Variants in HLA-DQB1 observed in about 807,000 individuals in gnomAD.
The protein encoded by HLA-DQB1 is HLA class II histocompatibility antigen, DQ beta 1 chain.
HLA-DQB1 carries 13 observed loss-of-function variants against 26.4 expected under a neutral mutation model. That is an observed-to-expected ratio of 0.49 (90% CI 0.32 to 0.78). HLA-DQB1 has a LOEUF of 0.78. Among genes scored for constraint, HLA-DQB1 ranks in the 30% least tolerant of loss-of-function variants. The pLI is 0.03. For missense variants in HLA-DQB1, 158 were observed against 326.2 expected (o/e 0.48, Z 3.97); for synonymous variants, 60 against 129.1 (o/e 0.46, Z 3.63).
chr6:32,666,537 A>G (rs749609676), exon 1 of HLA-DQB1: 3 of 1,186,924 alleles, frequency 2.5e-6, no homozygotes, highest in Admixed American at 4.2e-5. Context: ...GGAGCTCAGC[A>G]TCGCCAGCAT....
intron 4 of HLA-DQB1, 60 bp from the exon 5 acceptor site, chr6:32,660,309 C>T: frequency 1.1e-6 from 1 of 898,634 alleles, no homozygotes; most frequent in Non-Finnish European, 1.6e-6. Flanking sequence ...TGCCATCTCC[C>T]CCACCCTTCA....
In HLA-DQB1 at chr6:32,665,716, G is replaced by A. The variant is rs201814598; in HGVS notation, c.110-649C>T. 0.024 allele frequency among the ~76,000 whole-genome samples: 2,207 copies of A among 92,344 alleles called. 241 individuals carry two copies. In the East Asian group the frequency reaches 0.27, roughly 11 times the overall value. 60.6% of individuals were successfully genotyped at this position (92,344 alleles called of 152,430 possible). ...TTAAACTGTGGCAGTCACCAGTTTGGGCAGGTTATGTAACAGAATATCCAT... is the reference window on the plus strand; with the variant it reads ...TTAAACTGTGGCAGTCACCAGTTTGAGCAGGTTATGTAACAGAATATCCAT... On this transcript the variant is annotated intron_variant, in intron 1 of 4. Coordinates refer to ENST00000434651, the Ensembl canonical transcript of HLA-DQB1.
chr6:32,660,524 T>G, intron 4 of HLA-DQB1: 17 of 325,380 alleles, frequency 5.2e-5, no homozygotes, highest in East Asian at 1.2e-4. Flanking sequence ...ATGATATCTC[T>G]TCCCGACCAC....
At chr6:32,664,737 C>A in intron 2 of HLA-DQB1, 61 bp downstream of exon 2, 1 of 564,880 alleles carries the variant, frequency 1.8e-6, no homozygotes. Flanking sequence ...TCGCCCCTCC[C>A]GGCACAGAAA....
At chr6:32,661,542 G>A in intron 3 of HLA-DQB1, 85 bp from the exon 4 acceptor site, 1 of 862,868 alleles carries the variant, frequency 1.2e-6, no homozygotes, top group Non-Finnish European at 1.7e-6. Flanking sequence ...CTGAGGTGCA[G>A]AAGGTGAAGG....
chr6:32,664,383 G>C (rs9274318), intron 2 of HLA-DQB1: 1 of 93,754 alleles, frequency 1.1e-5, no homozygotes, highest in Non-Finnish European at 2.2e-5. Context: ...AGCTTCCTGC[G>C]GCGCAAGCTG....
Position 32,661,017 on chromosome 6 carries a change from A to T in HLA-DQB1, c.772+330T>A, listed in dbSNP as rs1458588936. 5 of 599,658 alleles carry T rather than the reference A, an allele frequency of 8.3e-6. No individual in the cohort carries two copies. The African/African-American group carries it at 9.4e-5, about 11-fold the overall frequency. 37.1% of individuals were successfully genotyped at this position (599,658 alleles called of 1,614,324 possible). A position where few individuals can be genotyped will look rare whatever the true frequency, so the allele number is the denominator to read the frequency against. On this transcript the variant is annotated intron_variant, in intron 4 of 4. Transcript: ENST00000434651. The stretch of plus-strand genomic sequence containing the variant: ...GTTCTTCCAGGCCTTCAGCACCCTA[A>T]TTTAAAATCCCCTAAAACAAAGGAA...
intron 1 of HLA-DQB1, 34 bp from the exon 2 acceptor site, chr6:32,665,101 C>CAGCCTGGCCCT (rs547822529): frequency 0.13 from 142,571 of 1,070,104 alleles, 28,663 homozygotes; most frequent in South Asian, 0.44. Context: ...AGTCAGGCCC[C>CAGCCTGGCCCT]AGCCCGGCCG....
intron 2 of HLA-DQB1, 155 bp downstream of exon 2, chr6:32,664,643 G>T: frequency 3.1e-5 from 7 of 225,878 alleles, no homozygotes; most frequent in Non-Finnish European, 3.3e-5. Flanking sequence ...CCCCTCCGAT[G>T]CACCTGCCCC....
chr6:32,663,212 G>A (rs281863472), intron 2 of HLA-DQB1: 1 of 150,312 alleles, frequency 6.7e-6, no homozygotes, highest in Non-Finnish European at 1.5e-5. Context: ...AGTAAAAATA[G>A]AGGGCACAAA....
At chr6:32,661,275 A>G (rs281864314) in intron 4 of HLA-DQB1, 72 bp downstream of exon 4, 1 of 756,854 alleles carries the variant, frequency 1.3e-6, no homozygotes, top group Non-Finnish European at 2.1e-6. Flanking sequence ...GAGCTAATCT[A>G]CAGACAGGAC....
intron 4 of HLA-DQB1, chr6:32,660,682 GT>G: frequency 4.5e-6 from 2 of 441,230 alleles, no homozygotes; most frequent in South Asian, 2.7e-5. Context: ...TTAAGGCTTG[GT>G]TCTGGGGAAC....
At chr6:32,660,773 G>GGA (rs368595157) in intron 4 of HLA-DQB1, 137,755 of 703,648 alleles carry the variant, frequency 0.2, 23,356 homozygotes, top group Admixed American at 0.28. Flanking sequence ...CCATGAACAT[G>GGA]GACCACTGTG....
At chr6:32,661,918 G>A (rs281864168) in intron 3 of HLA-DQB1, 49 bp downstream of exon 3, 1 of 1,159,786 alleles carries the variant, frequency 8.6e-7, no homozygotes, top group Non-Finnish European at 1.2e-6. Context: ...GTCAGAAGGA[G>A]CTCTTTGTCT....
At chr6:32,665,215 C>T (rs281861929) in intron 1 of HLA-DQB1, 148 bp from the exon 2 acceptor site, 3 of 474,116 alleles carry the variant, frequency 6.3e-6, no homozygotes, top group Non-Finnish European at 1.0e-5. Context: ...GGGATCCTCC[C>T]GGCGGCTCTG....
At chr6:32,660,966 T>TAATG in intron 4 of HLA-DQB1, 4 of 788,110 alleles carry the variant, frequency 5.1e-6, no homozygotes, top group Non-Finnish European at 8.4e-6. Context: ...ACACATGACT[T>TAATG]AGAGTTACAT....
chr6:32,660,362 G>C lies in HLA-DQB1; in HGVS notation c.773-113C>G, dbSNP rs9273484. The C allele has an allele frequency of 1.8e-5, 9 of 513,414 alleles. 3 individuals are homozygous for C. The highest frequency in any genetic ancestry group is 2.7e-5 in the Non-Finnish European group (8 of 298,900). The allele number at this position is 513,414 out of a possible 1,614,324, so 31.8% of individuals were successfully genotyped here. A position where few individuals can be genotyped will look rare whatever the true frequency, so the allele number is the denominator to read the frequency against. Reference sequence around the variant, plus strand: ...CAGACAGAGAAAGTTGAGGTCCAGGGTGTATTGTCATCACCTCCCCCAAGA... The same window carrying C: ...CAGACAGAGAAAGTTGAGGTCCAGGCTGTATTGTCATCACCTCCCCCAAGA... On this transcript the variant is annotated intron_variant, in intron 4 of 4. Transcript: ENST00000434651.
intron 1 of HLA-DQB1, 146 bp from the exon 2 acceptor site, chr6:32,665,213 C>G (rs281861931): frequency 2.1e-6 from 1 of 477,430 alleles, no homozygotes; most frequent in Non-Finnish European, 3.5e-6. Context: ...CTGGGATCCT[C>G]CCGGCGGCTC....
At chr6:32,660,378 TC>T in intron 4 of HLA-DQB1, 129 bp from the exon 5 acceptor site, 1 of 461,354 alleles carries the variant, frequency 2.2e-6, no homozygotes. Context: ...TGTCATCACC[TC>T]CCCCAAGATC....
Sources: gnomAD v4.1 joint callset for allele counts (sites outside exome capture counted in the v4.1 genomes callset) on GRCh38, gnomAD v4.1.1 for gene constraint, MANE v1.5 for transcripts, NCBI Gene and HGNC (gene_info 2026-07-23, HGNC 2026-07-21) for gene names.